CCDC180: variants seen among roughly 807,000 people sequenced by gnomAD.
CCDC180 encodes coiled-coil domain-containing protein 180.
CCDC180 carries 154 observed loss-of-function variants against 209.2 expected under a neutral mutation model. That is an observed-to-expected ratio of 0.74 (90% CI 0.65 to 0.84). CCDC180 has a LOEUF of 0.84. Among genes scored for constraint, CCDC180 ranks in the 40% least tolerant of loss-of-function variants. The probability of loss-of-function intolerance (pLI) is 0.00; values close to 1 mark genes in which losing one functional copy is unlikely to be tolerated. For missense variants in CCDC180, 1,874 were observed against 1,997.3 expected, an observed-to-expected ratio of 0.94 and a Z score of 1.18; for synonymous variants, 778 against 749.1, an observed-to-expected ratio of 1.04 and a Z score of -0.63.
chr9:97,362,999 G>A lies in CCDC180; in HGVS notation c.3902+558G>A, dbSNP rs193109783. ...AGACCAGCCACATGAGAAGAGCAAA[G>A]GCTATTGACTCAGAGCTGACCACAG... On this transcript the variant is annotated intron_variant, in intron 28 of 36. Coordinates refer to ENST00000529487, the MANE Select transcript of CCDC180 (RefSeq NM_020893.6). 2.3e-3 allele frequency among the ~76,000 whole-genome samples: 353 copies of A among 152,338 alleles called. 3 individuals carry two copies. The highest frequency in any genetic ancestry group is 8.0e-3 in the African/African-American group (333 of 41,578).
intron 4 of CCDC180, 114 bp from the exon 5 acceptor site, chr9:97,313,122 G>A: frequency 1.5e-6 from 1 of 680,796 alleles, no homozygotes; most frequent in South Asian, 1.6e-5. Context: ...ACCCTGACCT[G>A]GCTCTGGGGT....
Position 97,314,737 on chromosome 9 carries a change from G to T in CCDC180, c.699+9G>T. 1 of 1,612,176 alleles carries T rather than the reference G, an allele frequency of 6.2e-7. No homozygotes were observed. The highest frequency in any genetic ancestry group is 8.5e-7 in the Non-Finnish European group (1 of 1,178,700). On this transcript the variant is annotated intron_variant, in intron 7 of 36. Transcript: ENST00000529487. ...TCTCCCGAACCGATAAAGTAAGTCG[G>T]CTGCAGGTGGGCTGTGTGGTGACTG...
rs147057805 is a variant in CCDC180 at position 97,357,644 on chromosome 9, G to T, written c.3282G>T (p.Ser1094=). The T allele has an allele frequency of 3.7e-6, 6 of 1,611,926 alleles. No individual in the cohort carries two copies. The African/African-American group carries it at 6.7e-5, about 18-fold the overall frequency. The change falls in exon 25 of 37, where the codon TCG becomes TCT. Residue 1094 remains serine (S), a synonymous_variant. Transcript: ENST00000529487. The part of the protein sequence containing the change: ...KIKCQVAKSN[S]QTNGLNFSLQ... Reference sequence around the variant, plus strand: ...TTTTCTAGGTGGCAAAATCCAATTCGCAAACAAATGGATTAAATTTCTCTC... The same window carrying T: ...TTTTCTAGGTGGCAAAATCCAATTCTCAAACAAATGGATTAAATTTCTCTC...
At chr9:97,344,835 A>T (rs1026095071) in intron 19 of CCDC180, among the ~76,000 whole-genome samples, 1 of 152,190 alleles carries the variant, frequency 6.6e-6, no homozygotes, top group Non-Finnish European at 1.5e-5. Context: ...GTTGATACCC[A>T]AAGCCCACAA....
chr9:97,349,057 T>G (rs1450247092), intron 20 of CCDC180, 54 bp from the exon 21 acceptor site: 4 of 1,473,642 alleles, frequency 2.7e-6, no homozygotes, highest in Non-Finnish European at 3.6e-6. Flanking sequence ...AGGAAAGCAA[T>G]GTGCTGAGGT....
intron 14 of CCDC180, 143 bp downstream of exon 14, chr9:97,325,335 T>G: frequency 1.3e-6 from 1 of 799,370 alleles, no homozygotes; most frequent in Non-Finnish European, 1.9e-6. Context: ...TGGGATCAGA[T>G]GGGAGTAGCA....
chr9:97,350,897 T>C (rs903146055), intron 22 of CCDC180, among the ~76,000 whole-genome samples: 1 of 152,262 alleles, frequency 6.6e-6, no homozygotes, highest in Non-Finnish European at 1.5e-5. Context: ...ATAAGTGGAA[T>C]CATATATTTG....
intron 18 of CCDC180, among the ~76,000 whole-genome samples, chr9:97,342,202 A>G (rs190186352): frequency 1.6e-4 from 24 of 152,308 alleles, no homozygotes; most frequent in Admixed American, 7.8e-4. Context: ...ACTAGTCCCA[A>G]TGAGGTGAAC....
At position 97,349,333 on chromosome 9, in the gene CCDC180, G is replaced by A. The variant is rs1295649360; in HGVS notation, c.2855+42G>A. On this transcript the variant is annotated intron_variant, in intron 21 of 36. Transcript: ENST00000529487. Reference sequence around the variant, plus strand: ...GTCTCCACCCCAGCCATGTGGCTCTGGAATCCCAGTTCGGCTGCTGCTTTC... The same window carrying A: ...GTCTCCACCCCAGCCATGTGGCTCTAGAATCCCAGTTCGGCTGCTGCTTTC... 2.0e-6 allele frequency: 3 copies of A among 1,507,902 alleles called. No homozygotes were observed. In the African/African-American group the frequency reaches 4.2e-5, roughly 21 times the overall value. 93.4% of individuals were successfully genotyped at this position (1,507,902 alleles called of 1,614,324 possible). A position where few individuals can be genotyped will look rare whatever the true frequency, so the allele number is the denominator to read the frequency against.
At chr9:97,307,850 G>C in intron 1 of CCDC180, 44 bp downstream of exon 1, 1 of 1,611,684 alleles carries the variant, frequency 6.2e-7, no homozygotes, top group Non-Finnish European at 8.5e-7. Flanking sequence ...CTAAGTCGAC[G>C]TTCCCCAGCC....
intron 8 of CCDC180, among the ~76,000 whole-genome samples, chr9:97,316,658 G>A (rs1273606004): frequency 2.6e-5 from 4 of 152,342 alleles, no homozygotes; most frequent in East Asian, 1.9e-4. Context: ...ATTGGGTCTC[G>A]GTTCTCCTAA....
intron 28 of CCDC180, among the ~76,000 whole-genome samples, chr9:97,363,008 C>T (rs751818974): frequency 6.6e-5 from 10 of 152,220 alleles, no homozygotes; most frequent in Non-Finnish European, 1.2e-4. Context: ...AGGCTATTGA[C>T]TCAGAGCTGA....
chr9:97,333,825 A>AT (rs1195291971), intron 18 of CCDC180, among the ~76,000 whole-genome samples: 3 of 143,412 alleles, frequency 2.1e-5, no homozygotes, highest in South Asian at 2.3e-4. Context: ...AACATTTTTA[A>AT]TTATTTTTTT....
chr9:97,374,417 C>G lies in CCDC180; in HGVS notation c.4601-126C>G, dbSNP rs116028503. 1.9e-3 allele frequency: 1,301 copies of G among 687,130 alleles called. 17 individuals are homozygous for G. Among genetic ancestry groups the G allele is most frequent in the African/African-American group, 0.018 (992 of 55,668 alleles). The allele number at this position is 687,130 out of a possible 1,614,324, so 42.6% of individuals were successfully genotyped here. The stretch of plus-strand genomic sequence containing the variant: ...CAGCTTCTCCATGGAGAGGGCTCAG[C>G]CTGCCATAACTCCAAGTGGGAGGAG... On this transcript the variant is annotated intron_variant, in intron 34 of 36. Coordinates refer to ENST00000529487, the MANE Select transcript of CCDC180 (RefSeq NM_020893.6).
chr9:97,307,917 C>G (rs1480907491), intron 1 of CCDC180, 66 bp from the exon 2 acceptor site: 4 of 1,580,098 alleles, frequency 2.5e-6, no homozygotes, highest in Admixed American at 3.5e-5. Flanking sequence ...GGTGCCGCCT[C>G]GAGGCCAGAC....
intron 11 of CCDC180, 101 bp downstream of exon 11, chr9:97,320,306 AG>A (rs1290331849): frequency 9.1e-7 from 1 of 1,099,694 alleles, no homozygotes; most frequent in Admixed American, 1.7e-5. Context: ...CATCATGGGG[AG>A]GAGGGATGGG....
At chr9:97,346,843 C>T (rs7851516) in intron 19 of CCDC180, among the ~76,000 whole-genome samples, 1,714 of 152,294 alleles carry the variant, frequency 0.011, 49 homozygotes, top group African/African-American at 0.039. Flanking sequence ...TCCCAAAGTG[C>T]TGGGATCATA....
chr9:97,309,789 C>T (rs1316720939), intron 3 of CCDC180, among the ~76,000 whole-genome samples, 185 bp downstream of exon 3: 1 of 152,188 alleles, frequency 6.6e-6, no homozygotes, highest in African/African-American at 2.4e-5. Flanking sequence ...TCCCCCACTC[C>T]CACAGTCATT....
Position 97,330,762 on chromosome 9 carries a change from G to T in CCDC180, c.2269G>T (p.Gly757Cys). ...GGAAGAGCAAGAGAGTTTATCTGTG[G>T]GTGAGGTAAGCCAGCAACTGATTCA... ...AQEEQESLSV[G>C]EEEDKEEGLE... Residue 757 changes from glycine to cysteine, a missense_variant, in exon 18 of 37, where the codon GGT (glycine) becomes TGT (cysteine). Transcript: ENST00000529487. The T allele has an allele frequency of 6.3e-7, 1 of 1,594,800 alleles. No individual in the cohort carries two copies. The highest frequency in any genetic ancestry group is 2.2e-5 in the East Asian group (1 of 44,828).
Sources: gnomAD v4.1 joint callset for allele counts (sites outside exome capture counted in the v4.1 genomes callset) on GRCh38, gnomAD v4.1.1 for gene constraint, MANE v1.5 for transcripts, NCBI Gene and HGNC (gene_info 2026-07-23, HGNC 2026-07-21) for gene names.